Variants in MICAL3 observed in about 807,000 individuals in gnomAD.
MICAL3 encodes [F-actin]-monooxygenase MICAL3.
In MICAL3, 62 loss-of-function variants were observed where a neutral mutation model predicts 207.4. The observed-to-expected ratio is 0.30, with a 90% CI of 0.24 to 0.37. MICAL3 has a LOEUF of 0.37. MICAL3 is among the 10% of genes least tolerant of loss of function. MICAL3 has a pLI of 1.00. For missense variants in MICAL3, 2,368 were observed against 2,635.6 expected (o/e 0.90, Z 2.22); for synonymous variants, 1,077 against 1,069.3 (o/e 1.01, Z -0.14).
At chr22:17,976,587 ATAT>A (rs1569154228) in intron 1 of MICAL3, among the ~76,000 whole-genome samples, 6 of 80,292 alleles carry the variant, frequency 7.5e-5, no homozygotes, top group African/African-American at 1.1e-4. Context: ...ATATATATAT[ATAT>A]TTTTTTTTTT....
chr22:17,829,654 C>T (rs1169583165), intron 21 of MICAL3, among the ~76,000 whole-genome samples: 3 of 152,232 alleles, frequency 2.0e-5, no homozygotes, highest in Admixed American at 6.5e-5. Context: ...CTAATACATG[C>T]AGCCTTGGGG....
At chr22:17,873,504 T>C (rs551148287) in intron 16 of MICAL3, among the ~76,000 whole-genome samples, 31 of 152,354 alleles carry the variant, frequency 2.0e-4, no homozygotes, top group African/African-American at 6.7e-4. Context: ...GGCAGCATGA[T>C]GAGGCCCGTG....
intron 1 of MICAL3, among the ~76,000 whole-genome samples, chr22:17,988,726 G>A (rs1430975246): frequency 6.6e-6 from 1 of 152,214 alleles, no homozygotes; most frequent in Non-Finnish European, 1.5e-5. Context: ...CAAGTGCTGG[G>A]ATTACAGGCA....
At chr22:17,834,018 G>A (rs547752940) in intron 20 of MICAL3, among the ~76,000 whole-genome samples, 1 of 152,298 alleles carries the variant, frequency 6.6e-6, no homozygotes, top group East Asian at 1.9e-4. Flanking sequence ...CTTTCAGTGA[G>A]TTCTGCGAGC....
intron 1 of MICAL3, chr22:18,019,803 CTGA>C: frequency 7.2e-6 from 1 of 139,724 alleles, no homozygotes; most frequent in Admixed American, 8.4e-5. Context: ...GAGAATGCTG[CTGA>C]TTTTTTTTTT....
At chr22:17,935,262 A>G (rs976151453) in intron 1 of MICAL3, among the ~76,000 whole-genome samples, 2 of 152,230 alleles carry the variant, frequency 1.3e-5, no homozygotes, top group African/African-American at 4.8e-5. Context: ...AAGAGGCCTC[A>G]GAAATAATGC....
intron 1 of MICAL3, among the ~76,000 whole-genome samples, chr22:18,014,229 G>C (rs936833922): frequency 6.6e-6 from 1 of 151,992 alleles, no homozygotes; most frequent in East Asian, 1.9e-4. Flanking sequence ...TAATACAATC[G>C]AATTCTCCCA....
intron 11 of MICAL3, among the ~76,000 whole-genome samples, chr22:17,893,463 A>T (rs920217484): frequency 6.7e-6 from 1 of 149,760 alleles, no homozygotes; most frequent in Admixed American, 6.6e-5. Context: ...TAGCTCTCAC[A>T]CTCTCTCCCT....
intron 1 of MICAL3, among the ~76,000 whole-genome samples, chr22:17,938,087 C>G (rs1054808190): frequency 1.3e-5 from 2 of 152,084 alleles, no homozygotes; most frequent in African/African-American, 4.8e-5. Flanking sequence ...AAGCATGGTA[C>G]TGGGCACTTC....
chr22:17,877,504 T>TTATGGAGGTTAGGGAGGTTAG (rs1569110686), intron 16 of MICAL3, among the ~76,000 whole-genome samples: 3 of 63,580 alleles, frequency 4.7e-5, no homozygotes, highest in Non-Finnish European at 3.1e-5. Flanking sequence ...AGGGAGGTTA[T>TTATGGAGGTTAGGGAGGTTAG]GGAGGTTAGG....
intron 28 of MICAL3, among the ~76,000 whole-genome samples, chr22:17,809,702 C>G (rs1263942672): frequency 6.6e-6 from 1 of 152,156 alleles, no homozygotes; most frequent in Admixed American, 6.5e-5. Flanking sequence ...AGCCTGAAAA[C>G]AAGCTGGAGA....
chr22:17,972,093 T>C lies in MICAL3; in HGVS notation c.-75+52188A>G, dbSNP rs144996430. Reference sequence around the variant, plus strand: ...CCAGTGCGCTCCTCAAGGCAAACACTAAGAACACATGCTCAGTTCAGCAAA... The same window carrying C: ...CCAGTGCGCTCCTCAAGGCAAACACCAAGAACACATGCTCAGTTCAGCAAA... On this transcript the variant is annotated intron_variant, in intron 1 of 31. Coordinates refer to ENST00000441493, the MANE Select transcript of MICAL3 (RefSeq NM_015241.3). Among the ~76,000 whole-genome samples the C allele has an allele frequency of 2.4e-3, 365 of 152,318 alleles. 5 individuals carry two copies. The highest frequency in any genetic ancestry group is 5.6e-3 in the South Asian group (27 of 4,828).
In MICAL3 at chr22:17,793,156, G is replaced by A. The variant is rs1189853715; in HGVS notation, c.5651-1855C>T. The stretch of plus-strand genomic sequence containing the variant: ...CGAGAGTCGGGTGAGCGCTGTGGAC[G>A]GCAGGTAAGAGTTAGCAGGGTTAGT... On this transcript the variant is annotated intron_variant, in intron 29 of 31. Transcript: ENST00000441493. The surrounding 1 kb of genome is among the most constrained non-coding windows in gnomAD (Gnocchi z 4.1). Among the ~76,000 whole-genome samples, 3 of 152,342 alleles carry A rather than the reference G, an allele frequency of 2.0e-5. No individual in the cohort carries two copies. Among genetic ancestry groups the A allele is most frequent in the Admixed American group, 1.3e-4 (2 of 15,306 alleles).
intron 1 of MICAL3, among the ~76,000 whole-genome samples, chr22:18,002,778 C>T (rs1923124778): frequency 6.6e-6 from 1 of 152,130 alleles, no homozygotes; most frequent in African/African-American, 2.4e-5. Context: ...GGCCTTCACA[C>T]ACTTCATGTG....
At chr22:17,945,006 AC>A (rs1179605528) in intron 1 of MICAL3, among the ~76,000 whole-genome samples, 2 of 112,470 alleles carry the variant, frequency 1.8e-5, no homozygotes, top group African/African-American at 3.5e-5. Flanking sequence ...GCACTGGGGG[AC>A]CTTTTTTTTT....
intron 29 of MICAL3, among the ~76,000 whole-genome samples, chr22:17,795,710 G>C (rs867050876): frequency 6.6e-6 from 1 of 152,264 alleles, no homozygotes; most frequent in Non-Finnish European, 1.5e-5. Flanking sequence ...CGGCGAGTCC[G>C]AGCTGCGCTG....
In MICAL3 at chr22:17,992,908, A is replaced by G. The variant is rs185977971; in HGVS notation, c.-75+31373T>C. On this transcript the variant is annotated intron_variant, in intron 1 of 31. Transcript: ENST00000441493. ...AATGGGGTGAAAGGACTCTACCTGA[A>G]GACTAGAAATGATGTGTGCGCAGTC... 2.0e-3 allele frequency among the ~76,000 whole-genome samples: 309 copies of G among 152,286 alleles called. 2 individuals carry two copies. The highest frequency in any genetic ancestry group is 6.8e-3 in the Middle Eastern group (2 of 294).
chr22:17,799,691 G>T (rs987738587), intron 29 of MICAL3, among the ~76,000 whole-genome samples: 1 of 152,202 alleles, frequency 6.6e-6, no homozygotes, highest in African/African-American at 2.4e-5. Flanking sequence ...GCCCTGACAG[G>T]GGTCCCAGCT....
Position 17,860,635 on chromosome 22 carries a change from TAA to T in MICAL3, c.2605+4262_2605+4263del, listed in dbSNP as rs1926420150. On this transcript the variant is annotated intron_variant, in intron 19 of 31. Transcript: ENST00000441493. ...AAAGATAGGAGTGGGCTCAAACGGCTAACTCAGTGGAGCCAGACAGGAGACAT... is the reference window on the plus strand; with the variant it reads ...AAAGATAGGAGTGGGCTCAAACGGCTCTCAGTGGAGCCAGACAGGAGACAT... 4.1e-6 allele frequency: 4 copies of T among 985,404 alleles called. No individual in the cohort carries two copies. The South Asian group carries it at 1.9e-4, about 46-fold the overall frequency. 61.0% of individuals were successfully genotyped at this position (985,404 alleles called of 1,614,324 possible).
Sources: allele counts gnomAD v4.1 joint callset (sites outside exome capture counted in the v4.1 genomes callset), GRCh38; gene constraint gnomAD v4.1.1; non-coding constraint Gnocchi (gnomAD v3.1); transcripts MANE v1.5; gene names NCBI Gene and HGNC (gene_info 2026-07-23, HGNC 2026-07-21).